The following ACTN2 variants were observed in gnomAD, a reference collection of about 807,000 sequenced individuals.
ACTN2 encodes the protein alpha-actinin-2.
Under a neutral mutation model 113.8 loss-of-function variants are expected in ACTN2, and 39 were observed. The observed-to-expected ratio is 0.34, with a 90% confidence interval of 0.27 to 0.45. The LOEUF (loss-of-function observed/expected upper bound fraction) is 0.45. Ranked by LOEUF, ACTN2 falls within the 20% of genes least tolerant of loss-of-function variation. The pLI is 1.00. For missense variants in ACTN2, 992 were observed against 1,177.9 expected (o/e 0.84, Z 2.31); for synonymous variants, 429 against 444.1 (o/e 0.97, Z 0.43).
In ACTN2 at chr1:236,753,949, G is replaced by A; in HGVS notation, c.1842G>A (p.Val614=). ...TTGTTGTCCTTGGGCCCTGACAGGTGAAGCAACTCGTGCCCATCCGCGATC... is the reference window on the plus strand; with the variant it reads ...TTGTTGTCCTTGGGCCCTGACAGGTAAAGCAACTCGTGCCCATCCGCGATC... ...MDELRTKWDK[V]KQLVPIRDQS... The change falls in exon 16 of 21, where the codon GTG becomes GTA. Residue 614 remains valine, a splice_region_variant and synonymous_variant. Coordinates refer to ENST00000366578, the MANE Select transcript of ACTN2 (RefSeq NM_001103.4). 1 of 1,612,612 alleles carries A rather than the reference G, an allele frequency of 6.2e-7. No individual in the cohort carries two copies. Among genetic ancestry groups the A allele is most frequent in the Non-Finnish European group, 8.5e-7 (1 of 1,179,256 alleles).
At chr1:236,762,022 A>T (rs962309552) in intron 20 of ACTN2, among the ~76,000 whole-genome samples, 2 of 152,246 alleles carry the variant, frequency 1.3e-5, no homozygotes, top group Non-Finnish European at 2.9e-5. Flanking sequence ...TAAATTATAT[A>T]ATATGCAAAC....
At position 236,744,708 on chromosome 1, in the gene ACTN2, G is replaced by C; in HGVS notation, c.1338G>C (p.Ala446=). The C allele has an allele frequency of 1.2e-6, 2 of 1,614,174 alleles. No homozygotes were observed. Among genetic ancestry groups the C allele is most frequent in the Non-Finnish European group, 8.5e-7 (1 of 1,180,038 alleles). ...EVRALLRKHE[A]FESDLAAHQD... is the part of the protein sequence containing the mutation. ...GGGCTCTGCTGCGGAAGCACGAGGC[G>C]TTCGAGAGCGACCTGGCAGCGCACC... The change falls in exon 12 of 21, where the codon GCG becomes GCC. Residue 446 remains alanine (A), a synonymous_variant. Transcript: ENST00000366578.
intron 1 of ACTN2, among the ~76,000 whole-genome samples, chr1:236,709,685 C>T (rs1328315419): frequency 6.6e-6 from 1 of 152,036 alleles, no homozygotes; most frequent in African/African-American, 2.4e-5. Context: ...AGCAGCACCC[C>T]AGACCATTTT....
intron 7 of ACTN2, among the ~76,000 whole-genome samples, 174 bp from the exon 8 acceptor site, chr1:236,735,461 T>C (rs1379003593): frequency 6.6e-6 from 1 of 152,200 alleles, no homozygotes. Context: ...CACGAATCAT[T>C]TCGATACAAT....
chr1:236,761,895 A>T (rs1659719104), intron 20 of ACTN2, among the ~76,000 whole-genome samples: 1 of 152,208 alleles, frequency 6.6e-6, no homozygotes, highest in Non-Finnish European at 1.5e-5. Context: ...TTTTAAAATA[A>T]TGTTTTCTTT....
chr1:236,704,810 G>A (rs1156384274), intron 1 of ACTN2, among the ~76,000 whole-genome samples: 1 of 152,182 alleles, frequency 6.6e-6, no homozygotes, highest in East Asian at 1.9e-4. Flanking sequence ...TCACTGGATA[G>A]GCATAATTGA....
chr1:236,738,496 G>T (rs1047549275), intron 9 of ACTN2, among the ~76,000 whole-genome samples: 3 of 152,198 alleles, frequency 2.0e-5, no homozygotes, highest in African/African-American at 7.2e-5. Context: ...CATGAAGCAT[G>T]GCCAGTACTG....
chr1:236,737,093 C>T, intron 8 of ACTN2, 29 bp from the exon 9 acceptor site: 3 of 1,573,660 alleles, frequency 1.9e-6, no homozygotes, highest in Non-Finnish European at 2.6e-6. Flanking sequence ...GTCGACAGAG[C>T]CGTCCTGTTT....
chr1:236,760,137 T>C (rs1226256136), intron 19 of ACTN2, among the ~76,000 whole-genome samples: 3 of 152,090 alleles, frequency 2.0e-5, no homozygotes, highest in African/African-American at 7.2e-5. Context: ...TCCCAGCTAC[T>C]TGGGAGGTTG....
At chr1:236,738,806 G>GGCATT (rs1365774711) in intron 9 of ACTN2, among the ~76,000 whole-genome samples, 2 of 152,158 alleles carry the variant, frequency 1.3e-5, no homozygotes, top group East Asian at 3.8e-4. Context: ...AATACACTTT[G>GGCATT]GCATTGAGTT....
At chr1:236,731,562 A>G (rs1180578191) in intron 7 of ACTN2, among the ~76,000 whole-genome samples, 1 of 152,256 alleles carries the variant, frequency 6.6e-6, no homozygotes, top group Non-Finnish European at 1.5e-5. Flanking sequence ...ATTTGGTAAA[A>G]AGTTCAGCTT....
At chr1:236,699,546 C>G (rs564002808) in intron 1 of ACTN2, among the ~76,000 whole-genome samples, 85 of 152,236 alleles carry the variant, frequency 5.6e-4, no homozygotes, top group Non-Finnish European at 9.4e-4. Flanking sequence ...GCCCGGATGC[C>G]TGAGACACTG....
chr1:236,753,529 A>C (rs933869735), intron 15 of ACTN2, among the ~76,000 whole-genome samples: 1 of 152,174 alleles, frequency 6.6e-6, no homozygotes, highest in African/African-American at 2.4e-5. Flanking sequence ...GGAGTGCTAC[A>C]TTTTAATCCG....
At chr1:236,746,474 G>A (rs1345249828) in intron 12 of ACTN2, among the ~76,000 whole-genome samples, 2 of 152,126 alleles carry the variant, frequency 1.3e-5, no homozygotes, top group African/African-American at 2.4e-5. Context: ...TTGGGAGGCT[G>A]AGGAGGTAGG....
intron 20 of ACTN2, among the ~76,000 whole-genome samples, chr1:236,762,190 G>A (rs1041496859): frequency 1.3e-5 from 2 of 151,762 alleles, no homozygotes; most frequent in African/African-American, 2.4e-5. Context: ...ACGTATCCTC[G>A]CATTGTGGCT....
intron 18 of ACTN2, 146 bp from the exon 19 acceptor site, chr1:236,759,578 C>G (rs1659645774): frequency 2.8e-6 from 2 of 718,900 alleles, no homozygotes; most frequent in Non-Finnish European, 2.6e-6. Context: ...TGTGCTGGCT[C>G]CATCCTTCTC....
At chr1:236,719,798 CAA>C (rs202216207) in intron 3 of ACTN2, among the ~76,000 whole-genome samples, 1 of 93,140 alleles carries the variant, frequency 1.1e-5, no homozygotes. Flanking sequence ...GACTCCATCT[CAA>C]AAAAAAAAAA....
chr1:236,753,879 G>A (rs1435792297), intron 15 of ACTN2, 68 bp from the exon 16 acceptor site: 14 of 400,186 alleles, frequency 3.5e-5, no homozygotes, highest in South Asian at 5.6e-5. Flanking sequence ...GACTATTCCC[G>A]CATTCTGTGG....
chr1:236,761,135 C>T lies in ACTN2; in HGVS notation c.2488C>T (p.Gln830Ter), dbSNP rs145087599. 1 of 1,614,196 alleles carries T rather than the reference C, an allele frequency of 6.2e-7. No individual in the cohort carries two copies. Among genetic ancestry groups the T allele is most frequent in the Admixed American group, 1.7e-5 (1 of 60,028 alleles). Residue 830 changes from glutamine (Q) to a stop codon, truncating the protein, a stop_gained, in exon 20 of 21, where the codon CAG (glutamine) becomes TAG (stop). Coordinates refer to ENST00000366578, the MANE Select transcript of ACTN2 (RefSeq NM_001103.4). LOFTEE classifies it high-confidence loss of function. ...GACGGCTGACACCGACACTGCCGAG[C>T]AGGTCATCGCCTCCTTCCGGATCCT... is the stretch of plus-strand genomic sequence containing the variant. ...RETADTDTAE[Q>*]VIASFRILAS... is the part of the protein sequence containing the mutation.
Sources: allele counts gnomAD v4.1 joint callset (sites outside exome capture counted in the v4.1 genomes callset), GRCh38; gene constraint gnomAD v4.1.1; transcripts MANE v1.5; gene names NCBI Gene and HGNC (gene_info 2026-07-23, HGNC 2026-07-21).